The following HTR2C variants were observed in gnomAD, a reference collection of about 807,000 sequenced individuals.
The protein encoded by HTR2C is 5-hydroxytryptamine (serotonin) receptor 2C, G protein-coupled.
Under a neutral mutation model 21.0 loss-of-function variants are expected in HTR2C, and 5 were observed. The observed-to-expected ratio is 0.24, with a 90% CI of 0.12 to 0.50. The LOEUF (loss-of-function observed/expected upper bound fraction) is 0.50, where lower values mean the gene tolerates loss of function less well. HTR2C is among the 20% of genes least tolerant of loss of function. The probability of loss-of-function intolerance (pLI) is 0.98; values close to 1 mark genes in which losing one functional copy is unlikely to be tolerated. For synonymous variants in HTR2C, 150 were observed against 145.3 expected, an observed-to-expected ratio of 1.03 and a Z score of -0.23; for missense variants, 271 against 371.2, an observed-to-expected ratio of 0.73 and a Z score of 2.22.
intron 2 of HTR2C, among the ~76,000 whole-genome samples, chrX:114,711,374 G>A (rs1240773124): frequency 9.0e-6 from 1 of 111,537 alleles, no homozygotes; most frequent in Non-Finnish European, 1.9e-5. Flanking sequence ...AAAGCAGCTC[G>A]CATATCTTTC....
At chrX:114,694,575 G>A (rs975589705) in intron 2 of HTR2C, among the ~76,000 whole-genome samples, 14 of 107,912 alleles carry the variant, frequency 1.3e-4, no homozygotes, top group African/African-American at 4.5e-4. Context: ...TGCAACCTCC[G>A]CCTCCAGGTT....
intron 5 of HTR2C, among the ~76,000 whole-genome samples, chrX:114,882,343 T>C (rs2071187890): frequency 9.1e-6 from 1 of 110,450 alleles, no homozygotes; most frequent in African/African-American, 3.3e-5. Flanking sequence ...TTTCTTTTTG[T>C]TGCTTAATTT....
chrX:114,840,187 G>C (rs1450837649), intron 4 of HTR2C, among the ~76,000 whole-genome samples: 3 of 108,967 alleles, frequency 2.8e-5, no homozygotes, highest in Non-Finnish European at 5.7e-5. Flanking sequence ...CAACTTTTAA[G>C]AGACCTATCC....
At chrX:114,671,635 G>A (rs1368059425) in intron 2 of HTR2C, among the ~76,000 whole-genome samples, 3 of 111,741 alleles carry the variant, frequency 2.7e-5, no homozygotes, top group Non-Finnish European at 3.8e-5. Context: ...TGATGGCTTC[G>A]AAAATATGTA....
At chrX:114,876,422 C>CTTTTTTTTTTTTTT (rs60498146) in intron 5 of HTR2C, among the ~76,000 whole-genome samples, 67 of 62,370 alleles carry the variant, frequency 1.1e-3, no homozygotes, top group East Asian at 1.8e-3. Flanking sequence ...CTTTTTCTTT[C>CTTTTTTTTTTTTTT]TTTTTTTTTT....
At chrX:114,605,068 G>C (rs1421569614) in intron 1 of HTR2C, among the ~76,000 whole-genome samples, 2 of 110,967 alleles carry the variant, frequency 1.8e-5, no homozygotes, top group Non-Finnish European at 3.8e-5. Flanking sequence ...AAGCGTCTCA[G>C]GGTTGCTGCC....
intron 2 of HTR2C, among the ~76,000 whole-genome samples, chrX:114,676,714 C>T (rs1556412776): frequency 1.8e-5 from 2 of 112,310 alleles, no homozygotes; most frequent in Non-Finnish European, 3.8e-5. Context: ...GTTATTATTG[C>T]TCTATGACAC....
intron 2 of HTR2C, among the ~76,000 whole-genome samples, chrX:114,640,408 G>T (rs1556406194): frequency 2.7e-5 from 3 of 111,755 alleles, no homozygotes; most frequent in African/African-American, 9.8e-5. Flanking sequence ...AAAGTACACG[G>T]CTGGGCCATT....
chrX:114,794,497 G>C (rs1245452858), intron 4 of HTR2C, among the ~76,000 whole-genome samples: 1 of 102,869 alleles, frequency 9.7e-6, no homozygotes, highest in Non-Finnish European at 2.0e-5. Context: ...TTTAGCATTA[G>C]GTATATCTCC....
chrX:114,707,630 C>G (rs1417162521), intron 2 of HTR2C, among the ~76,000 whole-genome samples: 1 of 110,654 alleles, frequency 9.0e-6, no homozygotes, highest in Non-Finnish European at 1.9e-5. Context: ...AGAGAGTGTA[C>G]TTATGCTGAA....
intron 4 of HTR2C, among the ~76,000 whole-genome samples, chrX:114,834,108 G>A (rs1455238408): frequency 9.1e-6 from 1 of 109,839 alleles, no homozygotes; most frequent in Non-Finnish European, 1.9e-5. Context: ...GCTGAGGAGA[G>A]CTTTACTTCC....
intron 4 of HTR2C, among the ~76,000 whole-genome samples, chrX:114,806,695 C>T (rs2070450453): frequency 1.0e-5 from 1 of 96,607 alleles, no homozygotes; most frequent in Non-Finnish European, 2.0e-5. Flanking sequence ...CATATATACA[C>T]CATATATACA....
chrX:114,879,369 AT>A (rs1293144709), intron 5 of HTR2C, among the ~76,000 whole-genome samples: 1 of 109,868 alleles, frequency 9.1e-6, no homozygotes, highest in Non-Finnish European at 1.9e-5. Flanking sequence ...GTTTTTTGTA[AT>A]TAAAATATAT....
At chrX:114,877,506 T>C (rs967825173) in intron 5 of HTR2C, among the ~76,000 whole-genome samples, 4 of 110,919 alleles carry the variant, frequency 3.6e-5, no homozygotes, top group Non-Finnish European at 7.6e-5. Context: ...TAGTTTGTTC[T>C]TTTTGTTCTA....
chrX:114,684,664 A>G (rs1405649300), intron 2 of HTR2C, among the ~76,000 whole-genome samples: 3 of 111,167 alleles, frequency 2.7e-5, no homozygotes, highest in Non-Finnish European at 5.7e-5. Flanking sequence ...CACTCTAAGA[A>G]TAAGTGCAAA....
At chrX:114,854,600 TA>T (rs374780766) in intron 5 of HTR2C, among the ~76,000 whole-genome samples, 56 of 111,075 alleles carry the variant, frequency 5.0e-4, no homozygotes, top group African/African-American at 1.7e-3. Flanking sequence ...TCCTTAAATG[TA>T]ATATCTGAAA....
chrX:114,842,980 A>T (rs2070846389), intron 4 of HTR2C, among the ~76,000 whole-genome samples: 1 of 112,045 alleles, frequency 8.9e-6, no homozygotes, highest in African/African-American at 3.2e-5. Flanking sequence ...ACAAGTAGCA[A>T]CAACTTCAGG....
At chrX:114,877,684 T>A (rs1556478651) in intron 5 of HTR2C, among the ~76,000 whole-genome samples, 1 of 111,077 alleles carries the variant, frequency 9.0e-6, no homozygotes, top group Non-Finnish European at 1.9e-5. Context: ...AATATTTTTT[T>A]AAATTTCTTT....
intron 3 of HTR2C, 49 bp from the exon 4 acceptor site, chrX:114,731,245 T>C (rs1000950791): frequency 2.2e-6 from 2 of 911,894 alleles, no homozygotes; most frequent in Non-Finnish European, 3.1e-6. Flanking sequence ...GTATTGTGTA[T>C]AAGTAATATA....
Sources: gnomAD v4.1 joint callset for allele counts (sites outside exome capture counted in the v4.1 genomes callset) on GRCh38, gnomAD v4.1.1 for gene constraint, MANE v1.5 for transcripts, NCBI Gene and HGNC (gene_info 2026-07-23, HGNC 2026-07-21) for gene names.